Variants in LIFR observed in about 807,000 individuals in gnomAD.
LIFR encodes leukemia inhibitory factor receptor.
Under a neutral mutation model 122.2 loss-of-function variants are expected in LIFR, and 84 were observed. That is an observed-to-expected ratio of 0.69 (90% CI 0.58 to 0.82). The LOEUF (loss-of-function observed/expected upper bound fraction) is 0.82, where lower values mean the gene tolerates loss of function less well. Among genes scored for constraint, LIFR ranks in the 40% least tolerant of loss-of-function variants. The pLI is 0.00. For synonymous variants in LIFR, 422 were observed against 434.7 expected (o/e 0.97, Z 0.36); for missense variants, 1,294 against 1,311.6 (o/e 0.99, Z 0.21).
intron 9 of LIFR, 149 bp downstream of exon 9, chr5:38,505,756 A>T (rs1745439490): frequency 3.0e-6 from 1 of 337,708 alleles, no homozygotes; most frequent in South Asian, 1.4e-4. Context: ...TTATACATTT[A>T]AAGTTTTTAT....
chr5:38,486,323 T>C (rs1744284578), intron 16 of LIFR, among the ~76,000 whole-genome samples: 1 of 152,190 alleles, frequency 6.6e-6, no homozygotes. Context: ...ACTAAAAGCA[T>C]GAAAACCACC....
rs1561128717 is a variant in LIFR, at chr5:38,482,573, GAAAAT to G, written c.2670+11_2670+15del. 1 of 1,319,910 alleles carries G rather than the reference GAAAAT, an allele frequency of 7.6e-7. No homozygotes were observed. The highest frequency in any genetic ancestry group is 1.1e-6 in the Non-Finnish European group (1 of 945,776). 81.8% of individuals were successfully genotyped at this position (1,319,910 alleles called of 1,614,324 possible). A position where few individuals can be genotyped will look rare whatever the true frequency, so the allele number is the denominator to read the frequency against. On this transcript the variant is annotated intron_variant, in intron 19 of 19. Coordinates refer to ENST00000453190, the MANE Select transcript of LIFR (RefSeq NM_001127671.2). ...GCCAGCACATCAAAGATAAATATAA[GAAAAT>G]AAAAGATTACCTCACAGACACTCTT...
intron 9 of LIFR, among the ~76,000 whole-genome samples, chr5:38,504,769 T>C (rs1745371901): frequency 1.3e-5 from 2 of 152,072 alleles, no homozygotes; most frequent in African/African-American, 4.8e-5. Flanking sequence ...AATACTACCA[T>C]GCAAGGATAA....
chr5:38,577,333 C>T (rs377094126), intron 1 of LIFR, among the ~76,000 whole-genome samples: 1 of 152,182 alleles, frequency 6.6e-6, no homozygotes, highest in Non-Finnish European at 1.5e-5. Flanking sequence ...TGACACCTCT[C>T]GCTCTGCCTA....
intron 1 of LIFR, among the ~76,000 whole-genome samples, chr5:38,555,710 TGTGGGGG>T (rs1242258789): frequency 8.9e-6 from 1 of 111,848 alleles, no homozygotes; most frequent in Non-Finnish European, 2.0e-5. Context: ...GGTAGCGGAA[TGTGGGGG>T]GTGGGGGGCA....
chr5:38,554,962 C>T (rs1403597755), intron 1 of LIFR: 1 of 152,184 alleles, frequency 6.6e-6, no homozygotes, highest in African/African-American at 2.4e-5. Flanking sequence ...GAAGAGAATA[C>T]AAGTCTCCAC....
intron 14 of LIFR, among the ~76,000 whole-genome samples, chr5:38,491,095 G>T (rs1157086816): frequency 6.6e-6 from 1 of 152,146 alleles, no homozygotes; most frequent in Non-Finnish European, 1.5e-5. Context: ...AAGGAATTAG[G>T]TCTTAGAGTT....
intron 4 of LIFR, among the ~76,000 whole-genome samples, chr5:38,525,163 A>G (rs1746611500): frequency 6.6e-6 from 1 of 152,218 alleles, no homozygotes; most frequent in Admixed American, 6.5e-5. Context: ...AGGGCGGATA[A>G]ATCATGGAAA....
chr5:38,481,993 C>T lies in LIFR; in HGVS notation c.2896G>A (p.Ala966Thr). The T allele has an allele frequency of 6.2e-7, 1 of 1,614,190 alleles. No individual in the cohort carries two copies. Among genetic ancestry groups the T allele is most frequent in the Non-Finnish European group, 8.5e-7 (1 of 1,180,040 alleles). The change falls in exon 20 of 20, where the codon GCT becomes ACT. Residue 966 changes from alanine to threonine, a missense_variant. Ala to Thr is a moderately conservative substitution (Grantham distance 58, BLOSUM62 0). Coordinates refer to ENST00000453190, the MANE Select transcript of LIFR (RefSeq NM_001127671.2). ...EEIPNPAADE[A>T]GGTAQVIYID... is the part of the protein sequence containing the mutation. ...TAAATAACCTGTGCAGTCCCTCCAG[C>T]TTCATCTGCGGCTGGGTTTGGTATT...
At chr5:38,489,819 C>G (rs1744475655) in intron 15 of LIFR, among the ~76,000 whole-genome samples, 2 of 141,584 alleles carry the variant, frequency 1.4e-5, no homozygotes, top group African/African-American at 5.1e-5. Flanking sequence ...CATAATGAAA[C>G]CTCATCTCTA....
At chr5:38,534,881 C>G (rs975168877) in intron 1 of LIFR, among the ~76,000 whole-genome samples, 5 of 152,056 alleles carry the variant, frequency 3.3e-5, no homozygotes, top group Non-Finnish European at 7.4e-5. Context: ...AGGAACACAC[C>G]AGACTTTTTA....
intron 15 of LIFR, among the ~76,000 whole-genome samples, chr5:38,489,587 T>C (rs988069901): frequency 2.0e-5 from 3 of 152,210 alleles, no homozygotes; most frequent in Non-Finnish European, 4.4e-5. Flanking sequence ...AAGAAGTTAA[T>C]AGTTTTTTAA....
At position 38,527,250 on chromosome 5, in the gene LIFR, G is replaced by T; in HGVS notation, c.302C>A (p.Pro101Gln). The T allele has an allele frequency of 6.2e-7, 1 of 1,600,568 alleles. No homozygotes were observed. The highest frequency in any genetic ancestry group is 8.6e-7 in the Non-Finnish European group (1 of 1,168,398). The change falls in exon 4 of 20, where the codon CCA becomes CAA. Residue 101 changes from proline (P) to glutamine (Q), a missense_variant. Coordinates refer to ENST00000453190, the MANE Select transcript of LIFR (RefSeq NM_001127671.2). Reference protein sequence around the residue: ...YQLEKTSIKIPALSHGDYEIT... With the variant: ...YQLEKTSIKIQALSHGDYEIT... The stretch of plus-strand genomic sequence containing the variant: ...TTCATAATCACCATGTGAAAGAGCT[G>T]GAATTTTAATACTGGTTTTCTCCAA...
Position 38,530,209 on chromosome 5 carries a change from T to C in LIFR, c.142+297A>G, listed in dbSNP as rs111967186. ...GTGCCGGGGCTGTTCCCTATCTTGA[T>C]TGTGCTGGTGGTTACATAACTACAT... On this transcript the variant is annotated intron_variant, in intron 2 of 19. Transcript: ENST00000453190. 2.2e-3 allele frequency among the ~76,000 whole-genome samples: 334 copies of C among 152,306 alleles called. 1 individual carries two copies. Among genetic ancestry groups the C allele is most frequent in the African/African-American group, 7.6e-3 (314 of 41,560 alleles).
chr5:38,487,463 A>G (rs1360391513), intron 16 of LIFR, among the ~76,000 whole-genome samples: 1 of 152,056 alleles, frequency 6.6e-6, no homozygotes, highest in Non-Finnish European at 1.5e-5. Flanking sequence ...GTCTCTGATC[A>G]TTTCTTTCAC....
intron 18 of LIFR, 51 bp from the exon 19 acceptor site, chr5:38,482,718 A>G (rs748924675): frequency 1.3e-6 from 1 of 753,106 alleles, no homozygotes; most frequent in Non-Finnish European, 2.1e-6. Flanking sequence ...AGATTATTAG[A>G]TAATAAATTA....
chr5:38,561,260 AT>A (rs891318417), upstream of LIFR, among the ~76,000 whole-genome samples: 4 of 152,010 alleles, frequency 2.6e-5, no homozygotes, highest in Non-Finnish European at 5.9e-5. Context: ...TACAGAGCTA[AT>A]TTTTTTTCTG....
At chr5:38,549,824 T>C (rs2112647276) in intron 1 of LIFR, among the ~76,000 whole-genome samples, 1 of 152,320 alleles carries the variant, frequency 6.6e-6, no homozygotes, top group Non-Finnish European at 1.5e-5. Flanking sequence ...AAATTATTTT[T>C]GCAAATTAGA....
chr5:38,506,665 A>T, intron 7 of LIFR, 33 bp from the exon 8 acceptor site: 3 of 1,576,434 alleles, frequency 1.9e-6, no homozygotes, highest in South Asian at 2.2e-5. Context: ...ACTTATGATT[A>T]CATATATTTT....
Sources: allele counts gnomAD v4.1 joint callset (sites outside exome capture counted in the v4.1 genomes callset), GRCh38; gene constraint gnomAD v4.1.1; transcripts MANE v1.5; gene names NCBI Gene and HGNC (gene_info 2026-07-23, HGNC 2026-07-21).